The following AFF3 variants were observed in gnomAD, a reference collection of about 807,000 sequenced individuals.
AFF3 encodes AF4/FMR2 family member 3.
AFF3 carries 32 observed loss-of-function variants against 129.7 expected under a neutral mutation model. The ratio of observed to expected loss-of-function variants is 0.25; its 90% CI spans 0.19 to 0.33. The LOEUF (loss-of-function observed/expected upper bound fraction) is 0.33, where lower values mean the gene tolerates loss of function less well. Ranked by LOEUF, AFF3 falls within the 10% of genes least tolerant of loss-of-function variation. The pLI, the probability that AFF3 is intolerant of heterozygous loss-of-function variation, is 1.00. For missense variants in AFF3, 1,373 were observed against 1,592.0 expected, an observed-to-expected ratio of 0.86 and a Z score of 2.34; for synonymous variants, 644 against 635.4, an observed-to-expected ratio of 1.01 and a Z score of -0.20.
intron 7 of AFF3, among the ~76,000 whole-genome samples, chr2:99,890,716 G>A (rs1331021079): frequency 2.6e-5 from 4 of 152,182 alleles, no homozygotes; most frequent in East Asian, 1.9e-4. Flanking sequence ...AGGCTTTGAC[G>A]TGCACCACTT....
intron 11 of AFF3, among the ~76,000 whole-genome samples, chr2:99,673,833 A>G (rs1687382232): frequency 6.6e-6 from 1 of 152,190 alleles, no homozygotes; most frequent in Non-Finnish European, 1.5e-5. Context: ...AGGATAAGGC[A>G]TGGCCCAGGC....
chr2:99,760,767 C>T (rs894158657), intron 8 of AFF3, among the ~76,000 whole-genome samples: 17 of 152,144 alleles, frequency 1.1e-4, no homozygotes, highest in Non-Finnish European at 1.5e-5. Flanking sequence ...GTCTAGCTGG[C>T]GACCTTCGGA....
At chr2:99,833,332 C>T (rs965547171) in intron 8 of AFF3, among the ~76,000 whole-genome samples, 31 of 152,164 alleles carry the variant, frequency 2.0e-4, no homozygotes, top group African/African-American at 7.5e-4. Context: ...AGGAAACTGG[C>T]TGAGGTCTCC....
chr2:99,719,069 T>TG, intron 11 of AFF3, among the ~76,000 whole-genome samples: 1 of 150,696 alleles, frequency 6.6e-6, no homozygotes, highest in Non-Finnish European at 1.5e-5. Context: ...TTTTTTTTTT[T>TG]TCCTGATGGC....
In AFF3 at chr2:99,545,701, G is replaced by A. The variant is rs1321583513; in HGVS notation, c.*5773C>T. ...AATGTCTATAAAATTGGCTGTAAGA[G>A]GTGGATTTTCAAAGTAACACACAGA... On this transcript the variant is annotated 3_prime_UTR_variant, in exon 25 of 25. Transcript: ENST00000672756. The A allele has an allele frequency of 6.0e-6, 1 of 166,596 alleles. No individual in the cohort carries two copies. Among genetic ancestry groups the A allele is most frequent in the Non-Finnish European group, 1.3e-5 (1 of 76,502 alleles). The allele number at this position is 166,596 out of a possible 1,614,324, so 10.3% of individuals were successfully genotyped here. A position where few individuals can be genotyped will look rare whatever the true frequency, so the allele number is the denominator to read the frequency against.
chr2:100,108,201 T>A (rs1203453850), intron 2 of AFF3, among the ~76,000 whole-genome samples: 1 of 152,180 alleles, frequency 6.6e-6, no homozygotes, highest in Non-Finnish European at 1.5e-5. Context: ...GGATAAACCT[T>A]CTAGGCTTTC....
chr2:100,108,908 CTT>C (rs34769933), intron 2 of AFF3, among the ~76,000 whole-genome samples: 3,423 of 88,002 alleles, frequency 0.039, 194 homozygotes, highest in African/African-American at 0.13. Flanking sequence ...CATTTCTTTC[CTT>C]TTTTTTTTTT....
At chr2:99,964,324 C>T (rs772923090) in intron 7 of AFF3, among the ~76,000 whole-genome samples, 8 of 152,170 alleles carry the variant, frequency 5.3e-5, no homozygotes, top group East Asian at 1.9e-4. Flanking sequence ...GTTCATGGAA[C>T]GAATGTTCAT....
chr2:99,694,669 CAACAAAAACAAA>C (rs755977813), intron 11 of AFF3, among the ~76,000 whole-genome samples: 2 of 152,146 alleles, frequency 1.3e-5, no homozygotes, highest in East Asian at 1.9e-4. Context: ...TTAAAAAAGC[CAACAAAAACAAA>C]AACAAAAACA....
chr2:99,549,884 G>A lies in AFF3; in HGVS notation c.*1590C>T, dbSNP rs1363437173. ...GTGAATGTTTATGGATCAGCATCTA[G>A]TCTAAGTATTTTGTGCCGTCATCAC... On this transcript the variant is annotated 3_prime_UTR_variant, in exon 25 of 25. Transcript: ENST00000672756. 4.5e-6 allele frequency: 1 copy of A among 223,862 alleles called. No homozygotes were observed. Among genetic ancestry groups the A allele is most frequent in the Non-Finnish European group, 8.9e-6 (1 of 112,222 alleles). The allele number at this position is 223,862 out of a possible 1,614,324, so 13.9% of individuals were successfully genotyped here. A position where few individuals can be genotyped will look rare whatever the true frequency, so the allele number is the denominator to read the frequency against.
intron 11 of AFF3, among the ~76,000 whole-genome samples, chr2:99,726,814 T>C (rs568869406): frequency 2.0e-5 from 3 of 151,910 alleles, no homozygotes; most frequent in Non-Finnish European, 4.4e-5. Flanking sequence ...TCCAACCAAA[T>C]CCCCCCAGCA....
At chr2:100,026,022 A>T (rs1337091578) in intron 4 of AFF3, among the ~76,000 whole-genome samples, 1 of 152,224 alleles carries the variant, frequency 6.6e-6, no homozygotes, top group Admixed American at 6.5e-5. Flanking sequence ...CCAAAAGCAA[A>T]TGCAATAAAA....
At chr2:99,561,146 G>T (rs1246738252) in intron 20 of AFF3, among the ~76,000 whole-genome samples, 3 of 152,234 alleles carry the variant, frequency 2.0e-5, no homozygotes, top group Non-Finnish European at 2.9e-5. Flanking sequence ...CTTATAAGTT[G>T]TAAGTGCTTA....
chr2:100,013,131 T>C (rs1682693252), intron 4 of AFF3, among the ~76,000 whole-genome samples: 1 of 152,238 alleles, frequency 6.6e-6, no homozygotes, highest in South Asian at 2.1e-4. Context: ...GAAAACATTT[T>C]TGATCATTTC....
chr2:100,065,546 CACAA>C (rs1414433456), intron 4 of AFF3, among the ~76,000 whole-genome samples: 1 of 152,128 alleles, frequency 6.6e-6, no homozygotes, highest in Non-Finnish European at 1.5e-5. Flanking sequence ...TTGCTTAAAA[CACAA>C]ACATTTATTT....
chr2:99,870,540 C>T (rs1183625057), intron 7 of AFF3, among the ~76,000 whole-genome samples: 2 of 152,198 alleles, frequency 1.3e-5, no homozygotes, highest in Admixed American at 1.3e-4. Flanking sequence ...CAGACCCCAC[C>T]CCTGTGATCT....
At chr2:100,123,768 A>G (rs548356523) in intron 2 of AFF3, among the ~76,000 whole-genome samples, 1 of 152,302 alleles carries the variant, frequency 6.6e-6, no homozygotes, top group South Asian at 2.1e-4. Flanking sequence ...GAGCCAAAAC[A>G]TAGACCTGCT....
At chr2:99,821,065 G>A (rs528555060) in intron 8 of AFF3, among the ~76,000 whole-genome samples, 197 of 151,932 alleles carry the variant, frequency 1.3e-3, no homozygotes, top group African/African-American at 4.6e-3. Context: ...TACAGACGGC[G>A]TTTCCTCATG....
intron 7 of AFF3, among the ~76,000 whole-genome samples, chr2:99,886,649 A>G (rs1264047452): frequency 6.6e-6 from 1 of 152,136 alleles, no homozygotes; most frequent in African/African-American, 2.4e-5. Context: ...GGCCATTTAA[A>G]AATGGTCTAT....
Sources: gnomAD v4.1 joint callset for allele counts (sites outside exome capture counted in the v4.1 genomes callset) on GRCh38, gnomAD v4.1.1 for gene constraint, MANE v1.5 for transcripts, NCBI Gene and HGNC (gene_info 2026-07-23, HGNC 2026-07-21) for gene names.